CCSER1: variants seen among roughly 807,000 people sequenced by gnomAD.
The protein encoded by CCSER1 is coiled-coil serine rich protein 1.
In CCSER1, 41 loss-of-function variants were observed where a neutral mutation model predicts 82.0. The observed-to-expected ratio is 0.50, with a 90% CI of 0.39 to 0.65. The LOEUF is 0.65. CCSER1 is among the 30% of genes least tolerant of loss of function. The pLI, the probability that CCSER1 is intolerant of heterozygous loss-of-function variation, is 0.00. For synonymous variants in CCSER1, 414 were observed against 383.9 expected, an observed-to-expected ratio of 1.08 and a Z score of -0.92; for missense variants, 1,119 against 1,064.2, an observed-to-expected ratio of 1.05 and a Z score of -0.72.
At chr4:90,436,951 C>T (rs1759092021) in intron 4 of CCSER1, among the ~76,000 whole-genome samples, 1 of 151,826 alleles carries the variant, frequency 6.6e-6, no homozygotes, top group Non-Finnish European at 1.5e-5. Context: ...GGACTACAGC[C>T]TCCCGAGTGC....
At chr4:90,412,493 TA>T (rs990491471) in intron 4 of CCSER1, among the ~76,000 whole-genome samples, 34 of 143,702 alleles carry the variant, frequency 2.4e-4, no homozygotes, top group Non-Finnish European at 2.3e-4. Context: ...TTTTGAATGT[TA>T]AAAAAAGATG....
At chr4:91,503,741 C>A (rs1337736129) in intron 10 of CCSER1, among the ~76,000 whole-genome samples, 2 of 152,102 alleles carry the variant, frequency 1.3e-5, no homozygotes, top group Non-Finnish European at 2.9e-5. Context: ...ATAAAGTTTA[C>A]AATTTAGACC....
At chr4:91,335,545 G>A (rs1747255920) in intron 10 of CCSER1, among the ~76,000 whole-genome samples, 1 of 152,064 alleles carries the variant, frequency 6.6e-6, no homozygotes, top group African/African-American at 2.4e-5. Flanking sequence ...GAAAGAGACT[G>A]TTTTTCTCAC....
chr4:90,762,387 G>T (rs1750541560), intron 7 of CCSER1, among the ~76,000 whole-genome samples: 2 of 152,140 alleles, frequency 1.3e-5, no homozygotes, highest in South Asian at 4.1e-4. Context: ...AAATTACTCA[G>T]TCTTGGGTAT....
chr4:90,397,708 C>T (rs1008583501), intron 3 of CCSER1, among the ~76,000 whole-genome samples: 2 of 152,032 alleles, frequency 1.3e-5, no homozygotes, highest in South Asian at 2.1e-4. Context: ...CATCTTGGAC[C>T]GTTCACCAAG....
intron 3 of CCSER1, among the ~76,000 whole-genome samples, chr4:90,315,667 C>A (rs1736047862): frequency 6.6e-6 from 1 of 151,966 alleles, no homozygotes; most frequent in Non-Finnish European, 1.5e-5. Flanking sequence ...CCATGCCTGC[C>A]TAATTTTTGT....
chr4:91,309,625 A>G (rs1244783969), intron 10 of CCSER1, among the ~76,000 whole-genome samples: 2 of 152,054 alleles, frequency 1.3e-5, no homozygotes, highest in African/African-American at 4.8e-5. Flanking sequence ...ATAGAGCAAT[A>G]CTACATAAAA....
chr4:90,926,914 T>A (rs1729133900), intron 9 of CCSER1, among the ~76,000 whole-genome samples: 1 of 152,046 alleles, frequency 6.6e-6, no homozygotes, highest in Non-Finnish European at 1.5e-5. Context: ...ATTTCAAGAT[T>A]ACATTGAGGG....
chr4:90,522,129 G>A (rs1013086785), intron 5 of CCSER1, among the ~76,000 whole-genome samples: 3 of 152,222 alleles, frequency 2.0e-5, no homozygotes, highest in South Asian at 2.1e-4. Flanking sequence ...TATATCTGAT[G>A]TCCTGCATGG....
chr4:91,079,031 C>T lies in CCSER1; in HGVS notation c.2173-6919C>T, dbSNP rs55856012. On this transcript the variant is annotated intron_variant, in intron 9 of 10. Coordinates refer to ENST00000509176, the MANE Select transcript of CCSER1 (RefSeq NM_001145065.2). ...AGGATATCATCCAGGAGAACTTCCC[C>T]AACATAGCGAGGCAGGCCAACATTC... Among the ~76,000 whole-genome samples the T allele has an allele frequency of 4.7e-3, 709 of 152,236 alleles. 8 individuals are homozygous for T. The highest frequency in any genetic ancestry group is 0.016 in the African/African-American group (660 of 41,548).
intron 5 of CCSER1, among the ~76,000 whole-genome samples, chr4:90,581,601 T>C (rs571332506): frequency 3.3e-5 from 5 of 152,284 alleles, no homozygotes; most frequent in Admixed American, 2.0e-4. Context: ...AAGAATTATT[T>C]TGGGGGAAAT....
At chr4:91,228,956 A>G (rs1331917890) in intron 10 of CCSER1, among the ~76,000 whole-genome samples, 4 of 152,052 alleles carry the variant, frequency 2.6e-5, no homozygotes, top group Non-Finnish European at 5.9e-5. Flanking sequence ...GAAAGACAAC[A>G]ATCCTTTATT....
At chr4:91,065,033 T>C (rs947950175) in intron 9 of CCSER1, among the ~76,000 whole-genome samples, 4 of 151,832 alleles carry the variant, frequency 2.6e-5, no homozygotes, top group African/African-American at 9.7e-5. Context: ...GGAACACACA[T>C]GTATTAAGGC....
At chr4:90,543,011 G>A (rs17017104) in intron 5 of CCSER1, among the ~76,000 whole-genome samples, 32,722 of 151,872 alleles carry the variant, frequency 0.22, 4,421 homozygotes, top group African/African-American at 0.37. Context: ...TTTATTCATA[G>A]AAACATTGGC....
chr4:90,844,535 A>G (rs564153131), intron 8 of CCSER1, among the ~76,000 whole-genome samples: 8 of 152,180 alleles, frequency 5.3e-5, no homozygotes, highest in Non-Finnish European at 7.4e-5. Flanking sequence ...CTTAGACTAG[A>G]ACATTCTTCC....
intron 1 of CCSER1, among the ~76,000 whole-genome samples, chr4:90,284,206 A>G (rs1244944692): frequency 6.6e-6 from 1 of 151,876 alleles, no homozygotes; most frequent in African/African-American, 2.4e-5. Flanking sequence ...TGAGTTCCTT[A>G]TGTATTCTGA....
At chr4:90,150,923 GTTTA>G (rs1351813119) in intron 1 of CCSER1, among the ~76,000 whole-genome samples, 1 of 152,020 alleles carries the variant, frequency 6.6e-6, no homozygotes, top group Non-Finnish European at 1.5e-5. Flanking sequence ...TGCAGTTGGA[GTTTA>G]TTTAAAATAT....
At chr4:91,317,121 T>C (rs2149260240) in intron 10 of CCSER1, among the ~76,000 whole-genome samples, 1 of 152,144 alleles carries the variant, frequency 6.6e-6, no homozygotes, top group Non-Finnish European at 1.5e-5. Flanking sequence ...CCACAATTTA[T>C]ACATATATCA....
At chr4:90,552,608 A>G (rs1287356082) in intron 5 of CCSER1, among the ~76,000 whole-genome samples, 16 of 151,596 alleles carry the variant, frequency 1.1e-4, no homozygotes, top group African/African-American at 3.6e-4. Flanking sequence ...TAAGCATAAC[A>G]CTACACCTGG....
Sources: gnomAD v4.1 joint callset for allele counts (sites outside exome capture counted in the v4.1 genomes callset) on GRCh38, gnomAD v4.1.1 for gene constraint, MANE v1.5 for transcripts, NCBI Gene and HGNC (gene_info 2026-07-23, HGNC 2026-07-21) for gene names.